The following TRAPPC9 variants were observed in gnomAD, a reference collection of about 807,000 sequenced individuals.
TRAPPC9 encodes trafficking protein particle complex subunit 9, also known as IKK2 binding protein.
In TRAPPC9, 83 loss-of-function variants were observed where a neutral mutation model predicts 124.0. That is an observed-to-expected ratio of 0.67 (90% CI 0.56 to 0.80). The LOEUF is 0.80. TRAPPC9 is among the 30% of genes least tolerant of loss of function. TRAPPC9 has a pLI of 0.00. For missense variants in TRAPPC9, 1,302 were observed against 1,508.3 expected (o/e 0.86, Z 2.27); for synonymous variants, 638 against 617.5 (o/e 1.03, Z -0.49).
chr8:139,872,132 A>G (rs1828947495), intron 21 of TRAPPC9, among the ~76,000 whole-genome samples: 1 of 141,282 alleles, frequency 7.1e-6, no homozygotes, highest in Non-Finnish European at 1.5e-5. Flanking sequence ...GGGCTGGTGG[A>G]TGGGCTGGTG....
intron 17 of TRAPPC9, among the ~76,000 whole-genome samples, chr8:140,083,086 G>A (rs113925507): frequency 1.3e-5 from 2 of 152,248 alleles, no homozygotes; most frequent in African/African-American, 2.4e-5. Context: ...CCAGCTGCTC[G>A]GGAGGCTGAA....
At chr8:140,282,398 G>A (rs2065349447) in intron 14 of TRAPPC9, among the ~76,000 whole-genome samples, 1 of 151,900 alleles carries the variant, frequency 6.6e-6, no homozygotes, top group South Asian at 2.1e-4. Context: ...AGCTACTCAG[G>A]AGGCTGAGGC....
rs939133555 is a variant in TRAPPC9 at position 139,907,540 on chromosome 8, G to C, written c.2964+2607C>G. On this transcript the variant is annotated intron_variant, in intron 20 of 22. Coordinates refer to ENST00000438773, the MANE Select transcript of TRAPPC9 (RefSeq NM_001160372.4). This position sits in a 1 kb window ranked among gnomAD's most constrained non-coding sequence, Gnocchi z 4.7. ...GGAGAGGAGAGGGAGAAAGAGAAAG[G>C]GGGGGAGGAAGGGATGGAGGCAGAG... is the stretch of plus-strand genomic sequence containing the variant. 1.4e-5 allele frequency among the ~76,000 whole-genome samples: 2 copies of C among 146,516 alleles called. No homozygotes were observed. The highest frequency in any genetic ancestry group is 2.6e-5 in the African/African-American group (1 of 39,210).
At chr8:139,944,759 C>T (rs1834108221) in intron 19 of TRAPPC9, among the ~76,000 whole-genome samples, 1 of 152,024 alleles carries the variant, frequency 6.6e-6, no homozygotes, top group Admixed American at 6.6e-5. Flanking sequence ...CAGACTTAAA[C>T]CAAATACCAA....
chr8:139,994,618 A>G (rs1837851736), intron 18 of TRAPPC9, among the ~76,000 whole-genome samples: 1 of 152,220 alleles, frequency 6.6e-6, no homozygotes, highest in Non-Finnish European at 1.5e-5. Flanking sequence ...AGAGCATAAG[A>G]CATGTATGAC....
Position 140,074,564 on chromosome 8 carries a change from G to A in TRAPPC9, c.2557-50485C>T, listed in dbSNP as rs923884795. On this transcript the variant is annotated intron_variant, in intron 17 of 22. Coordinates refer to ENST00000438773, the MANE Select transcript of TRAPPC9 (RefSeq NM_001160372.4). ...ATACATGGGGTTCTTGGCTGATGTC[G>A]CTGCACTTAACAAACACTTACTGGG... is the stretch of plus-strand genomic sequence containing the variant. Among the ~76,000 whole-genome samples the A allele has an allele frequency of 5.3e-5, 8 of 152,134 alleles. No individual in the cohort carries two copies. In the South Asian group the frequency reaches 1.4e-3, roughly 28 times the overall value.
At chr8:140,390,621 C>T (rs2068898856) in intron 7 of TRAPPC9, among the ~76,000 whole-genome samples, 1 of 152,190 alleles carries the variant, frequency 6.6e-6, no homozygotes, top group Admixed American at 6.5e-5. Context: ...TGCCATCATC[C>T]ACAGCCCAGC....
At chr8:140,245,207 A>G (rs1234404286) in intron 16 of TRAPPC9, among the ~76,000 whole-genome samples, 1 of 152,208 alleles carries the variant, frequency 6.6e-6, no homozygotes, top group Non-Finnish European at 1.5e-5. Flanking sequence ...AACACCCTAG[A>G]AAACACGACA....
At chr8:139,737,600 C>T (rs1818286277) in intron 21 of TRAPPC9, among the ~76,000 whole-genome samples, 1 of 152,116 alleles carries the variant, frequency 6.6e-6, no homozygotes, top group East Asian at 1.9e-4. Flanking sequence ...AAATGAGCCG[C>T]CTCTTGGCAG....
chr8:139,996,158 C>CAAAAAAAAAAAAAAAAAAAAAAAAAAAA, intron 18 of TRAPPC9, among the ~76,000 whole-genome samples: 1 of 19,422 alleles, frequency 5.1e-5, no homozygotes, highest in African/African-American at 2.1e-4. Flanking sequence ...AAAACTTAAG[C>CAAAAAAAAAAAAAAAAAAAAAAAAAAAA]AAAAAAAAAA....
At chr8:140,089,222 C>A (rs1222281247) in intron 17 of TRAPPC9, among the ~76,000 whole-genome samples, 1 of 152,106 alleles carries the variant, frequency 6.6e-6, no homozygotes, top group Non-Finnish European at 1.5e-5. Context: ...GCTTCAAAAG[C>A]CTCTTCCCCC....
At chr8:139,822,140 G>A (rs1379497707) in intron 21 of TRAPPC9, among the ~76,000 whole-genome samples, 2 of 152,278 alleles carry the variant, frequency 1.3e-5, no homozygotes, top group East Asian at 1.9e-4. Context: ...ATTACCTGGC[G>A]CTGAGCTGGG....
At chr8:140,455,336 T>A (rs1455898147) in intron 1 of TRAPPC9, among the ~76,000 whole-genome samples, 1 of 151,086 alleles carries the variant, frequency 6.6e-6, no homozygotes. Context: ...TTTTGCCATG[T>A]TGTCCAGGCT....
intron 19 of TRAPPC9, among the ~76,000 whole-genome samples, chr8:139,948,248 A>AACACACAC (rs141771160): frequency 6.8e-4 from 99 of 144,718 alleles, no homozygotes; most frequent in Middle Eastern, 3.5e-3. Flanking sequence ...TGGTTCATAA[A>AACACACAC]ACACACACAC....
intron 17 of TRAPPC9, among the ~76,000 whole-genome samples, chr8:140,171,970 C>G (rs1001501533): frequency 1.3e-5 from 2 of 152,162 alleles, no homozygotes; most frequent in Non-Finnish European, 2.9e-5. Flanking sequence ...CAGAAAATGA[C>G]AACTGCTATG....
chr8:140,436,628 T>G (rs1416666808), intron 3 of TRAPPC9, among the ~76,000 whole-genome samples: 1 of 152,116 alleles, frequency 6.6e-6, no homozygotes, highest in Non-Finnish European at 1.5e-5. Context: ...GCACCGTCCT[T>G]CTCTGTGTGC....
At chr8:140,244,755 GCTGT>G (rs932069388) in intron 16 of TRAPPC9, among the ~76,000 whole-genome samples, 2 of 148,634 alleles carry the variant, frequency 1.3e-5, no homozygotes, top group Non-Finnish European at 3.0e-5. Context: ...AGATGACAAA[GCTGT>G]CTGTTACGCA....
At chr8:140,158,025 G>T (rs2061685020) in intron 17 of TRAPPC9, among the ~76,000 whole-genome samples, 1 of 151,962 alleles carries the variant, frequency 6.6e-6, no homozygotes, top group Non-Finnish European at 1.5e-5. Flanking sequence ...CCTGTTGTTG[G>T]ACATTTATGT....
At chr8:140,446,794 A>G (rs2071276231) in intron 2 of TRAPPC9, among the ~76,000 whole-genome samples, 1 of 152,004 alleles carries the variant, frequency 6.6e-6, no homozygotes. Context: ...CGCCTTCCAA[A>G]GTGCTGGGAT....
Sources: allele counts gnomAD v4.1 joint callset (sites outside exome capture counted in the v4.1 genomes callset), GRCh38; gene constraint gnomAD v4.1.1; non-coding constraint Gnocchi (gnomAD v3.1); transcripts MANE v1.5; gene names NCBI Gene and HGNC (gene_info 2026-07-23, HGNC 2026-07-21).